Variants in CELF4 observed in about 807,000 individuals in gnomAD.
CELF4 encodes CUGBP Elav-like family member 4.
CELF4 carries 18 observed loss-of-function variants against 59.9 expected under a neutral mutation model. The observed-to-expected ratio is 0.30, with a 90% CI of 0.21 to 0.45. The LOEUF (loss-of-function observed/expected upper bound fraction) is 0.45. Ranked by LOEUF, CELF4 falls within the 20% of genes least tolerant of loss-of-function variation. CELF4 has a pLI of 1.00. For missense variants in CELF4, 456 were observed against 689.0 expected (o/e 0.66, Z 3.79); for synonymous variants, 261 against 267.1 (o/e 0.98, Z 0.22).
chr18:37,436,771 C>A (rs1015735648), intron 2 of CELF4, among the ~76,000 whole-genome samples: 1 of 152,080 alleles, frequency 6.6e-6, no homozygotes, highest in Non-Finnish European at 1.5e-5. Flanking sequence ...AGAGGGAAGT[C>A]GGGGCACTTC....
intron 1 of CELF4, among the ~76,000 whole-genome samples, chr18:37,544,249 C>G (rs1184813401): frequency 6.6e-6 from 1 of 151,600 alleles, no homozygotes; most frequent in Non-Finnish European, 1.5e-5. Context: ...TCACTGCGTT[C>G]CACGTTCACA....
At chr18:37,283,930 C>CA (rs2094442988) in intron 3 of CELF4, among the ~76,000 whole-genome samples, 8 of 1,118 alleles carry the variant, frequency 7.2e-3, no homozygotes, top group Non-Finnish European at 0.011. Flanking sequence ...CACACACACA[C>CA]CAATACATGC....
intron 2 of CELF4, among the ~76,000 whole-genome samples, chr18:37,418,213 C>T (rs547773063): frequency 3.6e-4 from 55 of 152,336 alleles, no homozygotes; most frequent in African/African-American, 1.3e-3. Context: ...GTGGCAATTG[C>T]TTTTGAATAC....
At chr18:37,384,090 C>T (rs1018306050) in intron 2 of CELF4, among the ~76,000 whole-genome samples, 5 of 152,004 alleles carry the variant, frequency 3.3e-5, no homozygotes, top group Non-Finnish European at 7.4e-5. Flanking sequence ...CAGAGACGCT[C>T]AATGCGGGGG....
intron 1 of CELF4, among the ~76,000 whole-genome samples, chr18:37,552,320 CCT>C (rs988606208): frequency 2.0e-5 from 3 of 152,232 alleles, no homozygotes; most frequent in Non-Finnish European, 2.9e-5. Flanking sequence ...CTATGTCTCC[CCT>C]GTCAGACCCT....
intron 2 of CELF4, among the ~76,000 whole-genome samples, chr18:37,342,703 C>T (rs191422766): frequency 3.9e-5 from 6 of 152,346 alleles, no homozygotes; most frequent in African/African-American, 2.4e-5. Context: ...CCTCCCTGAA[C>T]CTCCATGCCT....
At chr18:37,482,829 G>T (rs1311097616) in intron 2 of CELF4, among the ~76,000 whole-genome samples, 1 of 152,206 alleles carries the variant, frequency 6.6e-6, no homozygotes, top group Non-Finnish European at 1.5e-5. Flanking sequence ...AGCATAGACT[G>T]CCTGTACTAT....
At chr18:37,410,005 T>C (rs1477498104) in intron 2 of CELF4, among the ~76,000 whole-genome samples, 1 of 152,100 alleles carries the variant, frequency 6.6e-6, no homozygotes. Flanking sequence ...AATATTGGGA[T>C]GAGAAAGGCC....
At chr18:37,259,413 G>A (rs765962505) in intron 10 of CELF4, 149 bp from the exon 11 acceptor site, 5 of 608,110 alleles carry the variant, frequency 8.2e-6, no homozygotes, top group Admixed American at 5.4e-5. Flanking sequence ...ATCCAAGGGC[G>A]CCCCAGAAGA....
At chr18:37,494,857 C>T (rs1005766463) in intron 1 of CELF4, among the ~76,000 whole-genome samples, 3 of 152,292 alleles carry the variant, frequency 2.0e-5, no homozygotes, top group South Asian at 2.1e-4. Flanking sequence ...CCTCCCCACC[C>T]CCAATCCTGT....
rs1020284203 is a variant in CELF4 at position 37,272,901 on chromosome 18, A to C, written c.949+115T>G. On this transcript the variant is annotated intron_variant, in intron 7 of 12. Transcript: ENST00000420428. ...CCAGAAGGCAAGTCCTCTCGGGCCC[A>C]GACACTATGTGCTTTTGCCACAGAA... 42 of 1,062,048 alleles carry C rather than the reference A, an allele frequency of 4.0e-5. No individual in the cohort carries two copies. The East Asian group carries it at 1.0e-3, about 26-fold the overall frequency. 65.8% of individuals were successfully genotyped at this position (1,062,048 alleles called of 1,614,324 possible).
chr18:37,520,847 G>T (rs1569569736), intron 1 of CELF4, among the ~76,000 whole-genome samples: 1 of 152,168 alleles, frequency 6.6e-6, no homozygotes. Context: ...GATTTCAGTA[G>T]AGTGTCAATG....
At chr18:37,529,428 G>C (rs1291445170) in intron 1 of CELF4, among the ~76,000 whole-genome samples, 1 of 152,206 alleles carries the variant, frequency 6.6e-6, no homozygotes, top group Non-Finnish European at 1.5e-5. Context: ...CTGGCGCGAC[G>C]TAGCATACCA....
intron 1 of CELF4, 70 bp from the exon 2 acceptor site, chr18:37,485,677 C>G (rs2099879714): frequency 9.5e-7 from 1 of 1,056,262 alleles, no homozygotes; most frequent in African/African-American, 1.7e-5. Flanking sequence ...GCCCTGCCGC[C>G]CGCCCTCCAG....
chr18:37,440,480 T>C (rs1038134081), intron 2 of CELF4, among the ~76,000 whole-genome samples: 13 of 152,294 alleles, frequency 8.5e-5, no homozygotes, highest in Non-Finnish European at 1.5e-4. Flanking sequence ...TCTTCTACCA[T>C]CTGAGGAGCA....
At chr18:37,559,241 A>G (rs1410177056) in intron 1 of CELF4, among the ~76,000 whole-genome samples, 2 of 151,996 alleles carry the variant, frequency 1.3e-5, no homozygotes, top group East Asian at 1.9e-4. Flanking sequence ...GCCTTGCAAG[A>G]TTAAACTGTC....
chr18:37,266,488 TA>T, intron 9 of CELF4, 44 bp downstream of exon 9: 1 of 1,542,080 alleles, frequency 6.5e-7, no homozygotes. Flanking sequence ...CGTGGAGAGA[TA>T]AACGGAGTTG....
At chr18:37,358,664 G>A (rs1237570826) in intron 2 of CELF4, among the ~76,000 whole-genome samples, 2 of 152,212 alleles carry the variant, frequency 1.3e-5, no homozygotes, top group Non-Finnish European at 2.9e-5. Context: ...GCTCAAGGTT[G>A]GCACAGGAGC....
At chr18:37,408,971 A>G (rs573770453) in intron 2 of CELF4, among the ~76,000 whole-genome samples, 21 of 152,132 alleles carry the variant, frequency 1.4e-4, no homozygotes, top group Non-Finnish European at 2.8e-4. Flanking sequence ...TCAATTCATC[A>G]TGGGATCCCC....
Sources: allele counts gnomAD v4.1 joint callset (sites outside exome capture counted in the v4.1 genomes callset), GRCh38; gene constraint gnomAD v4.1.1; transcripts MANE v1.5; gene names NCBI Gene and HGNC (gene_info 2026-07-23, HGNC 2026-07-21).